RBFOX1: variants seen among roughly 807,000 people sequenced by gnomAD.
RBFOX1 encodes the protein RNA binding protein fox-1 homolog 1.
A neutral mutation model predicts 57.7 loss-of-function variants in RBFOX1; 8 were observed. The ratio of observed to expected loss-of-function variants is 0.14; its 90% CI spans 0.08 to 0.25. The LOEUF (loss-of-function observed/expected upper bound fraction) is 0.25, where lower values mean the gene tolerates loss of function less well. Among genes scored for constraint, RBFOX1 ranks in the 10% least tolerant of loss-of-function variants. RBFOX1 has a pLI of 1.00. For synonymous variants in RBFOX1, 326 were observed against 222.4 expected, an observed-to-expected ratio of 1.47 and a Z score of -4.15; for missense variants, 611 against 548.5, an observed-to-expected ratio of 1.11 and a Z score of -1.14.
intron 1 of RBFOX1, among the ~76,000 whole-genome samples, chr16:6,122,057 C>T (rs942845226): frequency 7.2e-5 from 11 of 152,074 alleles, no homozygotes; most frequent in Non-Finnish European, 1.0e-4. Flanking sequence ...AGGCATGCAC[C>T]ACCATGTCCA....
At chr16:7,618,183 G>T (rs1479958650) in intron 10 of RBFOX1, among the ~76,000 whole-genome samples, 1 of 152,010 alleles carries the variant, frequency 6.6e-6, no homozygotes, top group Non-Finnish European at 1.5e-5. Context: ...CTGAATTTTG[G>T]AATTTATCCT....
At chr16:5,481,762 C>G (rs145875928) in intron 2 of RBFOX1, among the ~76,000 whole-genome samples, 1 of 152,094 alleles carries the variant, frequency 6.6e-6, no homozygotes, top group African/African-American at 2.4e-5. Context: ...AGTATGAGAC[C>G]AAGGTGTCAG....
chr16:7,519,623 G>A (rs564672157), intron 5 of RBFOX1: 508 of 857,160 alleles, frequency 5.9e-4, no homozygotes, highest in Middle Eastern at 1.2e-3. Context: ...CACAAAACCT[G>A]TATGGAACAT....
At position 6,019,553 on chromosome 16, in the gene RBFOX1, G is replaced by A; in HGVS notation, c.-566G>A. ...TGCCAGCCCCGGGAACAGCAGAGGC[G>A]GCGGCACTGGCTGGACCCACGCGCG... is the stretch of plus-strand genomic sequence containing the variant. On this transcript the variant is annotated 5_prime_UTR_variant, in exon 1 of 16. Coordinates refer to ENST00000550418, the MANE Select transcript of RBFOX1 (RefSeq NM_018723.4). This position sits in a 1 kb window ranked among gnomAD's most constrained non-coding sequence, Gnocchi z 4.2. The A allele has an allele frequency of 8.9e-7, 1 of 1,119,936 alleles. No homozygotes were observed. The highest frequency in any genetic ancestry group is 1.6e-5 in the African/African-American group (1 of 61,786). 69.4% of individuals were successfully genotyped at this position (1,119,936 alleles called of 1,614,324 possible).
chr16:7,288,495 A>G (rs1166455831), intron 4 of RBFOX1, among the ~76,000 whole-genome samples: 1 of 152,224 alleles, frequency 6.6e-6, no homozygotes, highest in Non-Finnish European at 1.5e-5. Flanking sequence ...TAATGAATGT[A>G]AAACCCTTGG....
intron 2 of RBFOX1, among the ~76,000 whole-genome samples, chr16:5,553,133 G>T (rs2045528523): frequency 6.6e-6 from 1 of 152,052 alleles, no homozygotes; most frequent in African/African-American, 2.4e-5. Flanking sequence ...GGCCTGTCGA[G>T]GGGTGACGGG....
At chr16:5,546,819 C>G (rs1169187944) in intron 2 of RBFOX1, among the ~76,000 whole-genome samples, 1 of 152,078 alleles carries the variant, frequency 6.6e-6, no homozygotes, top group African/African-American at 2.4e-5. Flanking sequence ...AAGAGAGTGA[C>G]CAGCAACATA....
chr16:6,376,679 C>T (rs964893021), intron 2 of RBFOX1, among the ~76,000 whole-genome samples: 2 of 152,124 alleles, frequency 1.3e-5, no homozygotes, highest in African/African-American at 2.4e-5. Context: ...TTTCATGACT[C>T]CTGTGTTAGC....
chr16:5,668,295 C>G (rs192758120), intron 3 of RBFOX1, among the ~76,000 whole-genome samples: 1 of 152,052 alleles, frequency 6.6e-6, no homozygotes, highest in South Asian at 2.1e-4. Context: ...ACAACAAAAA[C>G]ACCAATTTAA....
chr16:5,729,396 C>CTTTTTTTT (rs71142649), intron 3 of RBFOX1, among the ~76,000 whole-genome samples: 10 of 111,476 alleles, frequency 9.0e-5, no homozygotes, highest in African/African-American at 2.7e-4. Context: ...TTTTTCTTTT[C>CTTTTTTTT]TTTTTTTTTT....
chr16:6,754,606 T>C (rs1268289278), intron 3 of RBFOX1, among the ~76,000 whole-genome samples: 1 of 152,154 alleles, frequency 6.6e-6, no homozygotes, highest in South Asian at 2.1e-4. Context: ...GGTTGTGTCT[T>C]GTTGAATTTT....
chr16:7,704,769 G>A (rs1324715291), intron 14 of RBFOX1, among the ~76,000 whole-genome samples: 2 of 152,224 alleles, frequency 1.3e-5, no homozygotes, highest in Admixed American at 6.5e-5. Context: ...AGAGCAGTCA[G>A]GCTGGGTGTG....
chr16:6,497,382 C>A (rs935865269), intron 2 of RBFOX1, among the ~76,000 whole-genome samples: 1 of 152,058 alleles, frequency 6.6e-6, no homozygotes, highest in East Asian at 1.9e-4. Context: ...TCTAAAAGTT[C>A]TTCATTTCTC....
At chr16:7,602,590 C>T (rs747367584) in intron 9 of RBFOX1, among the ~76,000 whole-genome samples, 2 of 152,046 alleles carry the variant, frequency 1.3e-5, no homozygotes, top group Non-Finnish European at 2.9e-5. Context: ...CAGGGTTATC[C>T]CAAGGGTCTC....
At chr16:7,449,208 C>T (rs527355615) in intron 4 of RBFOX1, among the ~76,000 whole-genome samples, 7 of 152,050 alleles carry the variant, frequency 4.6e-5, no homozygotes, top group African/African-American at 7.2e-5. Context: ...GGATTACAGG[C>T]GTGAGCCACC....
At position 7,237,805 on chromosome 16, in the gene RBFOX1, A is replaced by T. The variant is rs59506065; in HGVS notation, c.27+185707A>T. On this transcript the variant is annotated intron_variant, in intron 4 of 15. Coordinates refer to ENST00000550418, the MANE Select transcript of RBFOX1 (RefSeq NM_018723.4). ...CAGATCACTTGAGGTCAGGGGTTTG[A>T]GACCAGCATGGCCAACGTGGTGAAA... Among the ~76,000 whole-genome samples, 697 of 152,306 alleles carry T rather than the reference A, an allele frequency of 4.6e-3. 6 individuals are homozygous for T. Among genetic ancestry groups the T allele is most frequent in the African/African-American group, 0.016 (672 of 41,546 alleles).
chr16:5,835,056 G>A (rs2056415847), intron 3 of RBFOX1, among the ~76,000 whole-genome samples: 1 of 152,174 alleles, frequency 6.6e-6, no homozygotes, highest in African/African-American at 2.4e-5. Flanking sequence ...TGGTGCAGAT[G>A]AATCCTGCTT....
At chr16:6,451,461 CAG>C (rs775966129) in intron 2 of RBFOX1, among the ~76,000 whole-genome samples, 44 of 152,218 alleles carry the variant, frequency 2.9e-4, no homozygotes, top group Middle Eastern at 3.4e-3. Flanking sequence ...TGCAAGGAGA[CAG>C]AGAGACTCAC....
chr16:6,562,044 C>T (rs1423247860), intron 2 of RBFOX1, among the ~76,000 whole-genome samples: 1 of 152,168 alleles, frequency 6.6e-6, no homozygotes, highest in Non-Finnish European at 1.5e-5. Flanking sequence ...ATGGAGTTTT[C>T]AGCGGGATAT....
Sources: allele counts gnomAD v4.1 joint callset (sites outside exome capture counted in the v4.1 genomes callset), GRCh38; gene constraint gnomAD v4.1.1; non-coding constraint Gnocchi (gnomAD v3.1); transcripts MANE v1.5; gene names NCBI Gene and HGNC (gene_info 2026-07-23, HGNC 2026-07-21).